Variants in RERE observed in about 807,000 individuals in gnomAD.
RERE encodes the protein arginine-glutamic acid dipeptide repeats protein.
RERE carries 40 observed loss-of-function variants against 146.1 expected under a neutral mutation model. The observed-to-expected ratio is 0.27, with a 90% confidence interval of 0.21 to 0.36. The LOEUF is 0.36. Ranked by LOEUF, RERE falls within the 10% of genes least tolerant of loss-of-function variation. The probability of loss-of-function intolerance (pLI) is 1.00; values close to 1 mark genes in which losing one functional copy is unlikely to be tolerated. For missense variants in RERE, 1,933 were observed against 2,138.7 expected (o/e 0.90, Z 1.90); for synonymous variants, 1,003 against 866.0 (o/e 1.16, Z -2.78).
intron 12 of RERE, among the ~76,000 whole-genome samples, chr1:8,409,269 T>C (rs1158555416): frequency 6.6e-6 from 1 of 152,208 alleles, no homozygotes; most frequent in Non-Finnish European, 1.5e-5. Flanking sequence ...AAAGCTGAGC[T>C]ATCTACCATA....
chr1:8,723,641 G>A (rs553388387), intron 1 of RERE, among the ~76,000 whole-genome samples: 2 of 152,238 alleles, frequency 1.3e-5, no homozygotes, highest in South Asian at 4.1e-4. Context: ...TTAAGCAAGT[G>A]CTTAATGTTA....
intron 1 of RERE, among the ~76,000 whole-genome samples, chr1:8,746,514 TG>T (rs1250536261): frequency 1.3e-5 from 2 of 152,138 alleles, no homozygotes; most frequent in African/African-American, 4.8e-5. Flanking sequence ...GAATATCTCA[TG>T]TAACTTATTG....
intron 7 of RERE, among the ~76,000 whole-genome samples, chr1:8,510,583 C>A (rs1645321805): frequency 2.0e-5 from 3 of 152,232 alleles, no homozygotes; most frequent in Admixed American, 1.3e-4. Flanking sequence ...ATTTTAATCA[C>A]AAGCGCTTCT....
chr1:8,528,626 C>A (rs1394124786), intron 7 of RERE, among the ~76,000 whole-genome samples: 1 of 152,126 alleles, frequency 6.6e-6, no homozygotes, highest in Admixed American at 6.5e-5. Context: ...ACTTTCTGAG[C>A]ACCAACATGA....
At chr1:8,633,919 ACT>A (rs556688144) in intron 2 of RERE, among the ~76,000 whole-genome samples, 12 of 152,248 alleles carry the variant, frequency 7.9e-5, no homozygotes, top group South Asian at 6.2e-4. Context: ...ACAGAGTGAG[ACT>A]CTGTCAAAGA....
Position 8,411,807 on chromosome 1 carries a change from A to G in RERE, c.1284+10920T>C, listed in dbSNP as rs1643622701. Among the ~76,000 whole-genome samples the G allele has an allele frequency of 2.6e-5, 4 of 152,298 alleles. No homozygotes were observed. The East Asian group carries it at 7.7e-4, about 29-fold the overall frequency. Reference sequence around the variant, plus strand: ...TTCTTTTTAGGCTCACATTATCCAAAACGTGTAGTTTGCCCCCAGTTCACT... The same window carrying G: ...TTCTTTTTAGGCTCACATTATCCAAGACGTGTAGTTTGCCCCCAGTTCACT... On this transcript the variant is annotated intron_variant, in intron 12 of 22. Coordinates refer to ENST00000400908, the MANE Select transcript of RERE (RefSeq NM_001042681.2).
intron 6 of RERE, among the ~76,000 whole-genome samples, chr1:8,554,041 G>A (rs575532442): frequency 1.8e-4 from 28 of 152,152 alleles, no homozygotes; most frequent in African/African-American, 6.0e-4. Context: ...GCTGGGCATC[G>A]TGGCACATGC....
intron 11 of RERE, among the ~76,000 whole-genome samples, chr1:8,455,334 G>C (rs1199510349): frequency 1.3e-5 from 2 of 152,048 alleles, no homozygotes; most frequent in African/African-American, 4.8e-5. Context: ...TCCTGAACTG[G>C]GGGAACAGTG....
intron 2 of RERE, among the ~76,000 whole-genome samples, chr1:8,627,494 C>CA (rs1002336422): frequency 4.2e-4 from 63 of 151,216 alleles, no homozygotes; most frequent in African/African-American, 1.5e-3. Context: ...CCCAGCTACT[C>CA]AGGACTTAGA....
At position 8,415,252 on chromosome 1, in the gene RERE, A is replaced by G. The variant is rs190705930; in HGVS notation, c.1284+7475T>C. ...AACTTGTAAGTCTTTCTAAAGACCA[A>G]TTCAAACCTTCCATTTGTTTTACTA... On this transcript the variant is annotated intron_variant, in intron 12 of 22. Coordinates refer to ENST00000400908, the MANE Select transcript of RERE (RefSeq NM_001042681.2). Among the ~76,000 whole-genome samples, 9 of 152,356 alleles carry G rather than the reference A, an allele frequency of 5.9e-5. No homozygotes were observed. In the East Asian group the frequency reaches 7.7e-4, roughly 13 times the overall value.
At chr1:8,428,791 AAATAAC>A (rs1228779052) in intron 11 of RERE, among the ~76,000 whole-genome samples, 2 of 152,240 alleles carry the variant, frequency 1.3e-5, no homozygotes, top group Non-Finnish European at 2.9e-5. Context: ...ATTGGAATAA[AAATAAC>A]AATAACATAA....
intron 4 of RERE, among the ~76,000 whole-genome samples, chr1:8,608,688 G>A (rs745947334): frequency 4.6e-5 from 7 of 152,200 alleles, no homozygotes; most frequent in African/African-American, 7.2e-5. Context: ...CATTTAAATC[G>A]TAGGCAGTTA....
intron 4 of RERE, among the ~76,000 whole-genome samples, chr1:8,587,153 A>T (rs902647038): frequency 6.6e-6 from 1 of 152,196 alleles, no homozygotes; most frequent in African/African-American, 2.4e-5. Flanking sequence ...AAAACCAGGA[A>T]GTCTTCAATT....
At chr1:8,578,817 A>G (rs1445792248) in intron 4 of RERE, among the ~76,000 whole-genome samples, 1 of 152,236 alleles carries the variant, frequency 6.6e-6, no homozygotes, top group East Asian at 1.9e-4. Context: ...TCAGAGCTAG[A>G]GACATCTGCC....
chr1:8,601,672 A>ACACG, intron 4 of RERE, among the ~76,000 whole-genome samples: 1 of 132,308 alleles, frequency 7.6e-6, no homozygotes, highest in African/African-American at 2.9e-5. Context: ...ACACACACAC[A>ACACG]TCTTCCTTCC....
In RERE at chr1:8,675,756, T is replaced by C. The variant is rs534802774; in HGVS notation, c.-144-19315A>G. Among the ~76,000 whole-genome samples the C allele has an allele frequency of 5.3e-5, 8 of 150,872 alleles. 1 individual carries two copies. The South Asian group carries it at 1.5e-3, about 28-fold the overall frequency. On this transcript the variant is annotated intron_variant, in intron 1 of 22. Coordinates refer to ENST00000400908, the MANE Select transcript of RERE (RefSeq NM_001042681.2). Reference sequence around the variant, plus strand: ...ATACATATATACATACATACATACATACATACATACATACATACATACATA... The same window carrying C: ...ATACATATATACATACATACATACACACATACATACATACATACATACATA...
chr1:8,517,457 G>A (rs1373531895), intron 7 of RERE, among the ~76,000 whole-genome samples: 3 of 152,116 alleles, frequency 2.0e-5, no homozygotes, highest in Non-Finnish European at 4.4e-5. Flanking sequence ...TTTATACTGT[G>A]AATCATATTA....
rs1428596249 is a variant in RERE at position 8,617,350 on chromosome 1, A to AAAAAAAAAAAAAC, written c.397-2665_397-2664insGTTTTTTTTTTTT. Among the ~76,000 whole-genome samples, 13 of 149,474 alleles carry AAAAAAAAAAAAAC rather than the reference A, an allele frequency of 8.7e-5. 1 individual carries two copies. The East Asian group carries it at 2.3e-3, about 27-fold the overall frequency. ...AAGAGTGAAACTCTGTCTCAAAAAA[A>AAAAAAAAAAAAAC]AAAAAAAGAATTCCATCCTACCTCT... On this transcript the variant is annotated intron_variant, in intron 3 of 22. Coordinates refer to ENST00000400908, the MANE Select transcript of RERE (RefSeq NM_001042681.2).
At chr1:8,756,672 G>C (rs938770253) in intron 1 of RERE, among the ~76,000 whole-genome samples, 11 of 152,134 alleles carry the variant, frequency 7.2e-5, no homozygotes, top group African/African-American at 2.7e-4. Flanking sequence ...ATATCTTTTT[G>C]AAAGTTTTCT....
Sources: gnomAD v4.1 joint callset for allele counts (sites outside exome capture counted in the v4.1 genomes callset) on GRCh38, gnomAD v4.1.1 for gene constraint, MANE v1.5 for transcripts, NCBI Gene and HGNC (gene_info 2026-07-23, HGNC 2026-07-21) for gene names.